The following FOXP2 variants were observed in gnomAD, a reference collection of about 807,000 sequenced individuals.
FOXP2 encodes the protein forkhead box protein P2.
In FOXP2, 12 loss-of-function variants were observed where a neutral mutation model predicts 115.8. That is an observed-to-expected ratio of 0.10 (90% CI 0.07 to 0.17). The LOEUF is 0.17. Among genes scored for constraint, FOXP2 ranks in the 10% least tolerant of loss-of-function variants. The pLI is 1.00. For missense variants in FOXP2, 629 were observed against 843.5 expected (o/e 0.75, Z 3.15); for synonymous variants, 328 against 297.7 (o/e 1.10, Z -1.05).
chr7:114,574,742 T>G (rs547610078), intron 3 of FOXP2, among the ~76,000 whole-genome samples: 3 of 151,926 alleles, frequency 2.0e-5, no homozygotes, highest in Non-Finnish European at 2.9e-5. Context: ...TAGTTCTAAC[T>G]GCGAAGGCAA....
chr7:114,376,242 T>G (rs1220232201), intron 2 of FOXP2, among the ~76,000 whole-genome samples: 3 of 152,222 alleles, frequency 2.0e-5, no homozygotes, highest in African/African-American at 7.2e-5. Flanking sequence ...TAATTCTGGA[T>G]AGCAATAAGG....
chr7:114,597,937 C>T (rs532538779), intron 3 of FOXP2, among the ~76,000 whole-genome samples: 7 of 152,144 alleles, frequency 4.6e-5, no homozygotes, highest in Non-Finnish European at 8.8e-5. Flanking sequence ...AAGTTTCTAT[C>T]TCAGATACAA....
chr7:114,381,619 T>G (rs1236480524), intron 2 of FOXP2, among the ~76,000 whole-genome samples: 2 of 152,176 alleles, frequency 1.3e-5, no homozygotes. Context: ...ACCACTCTGC[T>G]TCCTCTGGTA....
intron 13 of FOXP2, among the ~76,000 whole-genome samples, chr7:114,661,093 A>G (rs1032024754): frequency 6.7e-6 from 1 of 149,828 alleles, no homozygotes; most frequent in Non-Finnish European, 1.5e-5. Context: ...AAAGCAAGCT[A>G]GAAGCAGCTT....
At chr7:114,662,334 G>A in intron 14 of FOXP2, 148 bp downstream of exon 14, 1 of 1,106,722 alleles carries the variant, frequency 9.0e-7, no homozygotes, top group African/African-American at 1.6e-5. Flanking sequence ...TCTAGGTGTA[G>A]GTGGCATAAA....
At chr7:114,477,226 A>G (rs1027428832) in intron 2 of FOXP2, among the ~76,000 whole-genome samples, 2 of 152,044 alleles carry the variant, frequency 1.3e-5, no homozygotes, top group African/African-American at 4.8e-5. Context: ...TTGTTACGCT[A>G]TTCACAAAAG....
At chr7:114,136,425 A>C (rs1022939397) in intron 1 of FOXP2, among the ~76,000 whole-genome samples, 4 of 152,026 alleles carry the variant, frequency 2.6e-5, no homozygotes, top group African/African-American at 4.8e-5. Flanking sequence ...TTGGCAGGGT[A>C]TGAAATAGGT....
At chr7:114,317,589 A>G (rs1797304242) in intron 2 of FOXP2, among the ~76,000 whole-genome samples, 1 of 152,134 alleles carries the variant, frequency 6.6e-6, no homozygotes, top group African/African-American at 2.4e-5. Context: ...CATAGCTTCT[A>G]GTTAGTCTAA....
At position 114,151,108 on chromosome 7, in the gene FOXP2, G is replaced by A. The variant is rs181982865; in HGVS notation, c.-246-11836G>A. Among the ~76,000 whole-genome samples, 1,052 of 151,938 alleles carry A rather than the reference G, an allele frequency of 6.9e-3. 12 individuals are homozygous for A. Among genetic ancestry groups the A allele is most frequent in the African/African-American group, 0.024 (1,003 of 41,474 alleles). On this transcript the variant is annotated intron_variant, in intron 1 of 19. Transcript: ENST00000635638. ...GGTATTTTAATTCTTATTTGCTAAA[G>A]TAACTAAACAAAAAGGGAAACGGGA...
chr7:114,165,234 T>G (rs1041908317), intron 1 of FOXP2, among the ~76,000 whole-genome samples: 2 of 152,156 alleles, frequency 1.3e-5, no homozygotes, highest in African/African-American at 4.8e-5. Flanking sequence ...GCAACGAGGT[T>G]CCTTCTCACC....
chr7:114,323,520 T>C (rs1797480100), intron 2 of FOXP2, among the ~76,000 whole-genome samples: 1 of 152,014 alleles, frequency 6.6e-6, no homozygotes, highest in Admixed American at 6.6e-5. Context: ...GACTTCTCAC[T>C]AGGAAAAGGT....
At chr7:114,270,649 TTTAA>T (rs766510447) in intron 1 of FOXP2, among the ~76,000 whole-genome samples, 1 of 152,190 alleles carries the variant, frequency 6.6e-6, no homozygotes, top group Non-Finnish European at 1.5e-5. Flanking sequence ...TGGCCCAGTT[TTTAA>T]TTGAGTTTTT....
intron 3 of FOXP2, among the ~76,000 whole-genome samples, chr7:114,618,940 A>G (rs746437439): frequency 6.6e-6 from 1 of 152,174 alleles, no homozygotes; most frequent in Non-Finnish European, 1.5e-5. Context: ...ATGTATTTAC[A>G]TGCTTTCTCA....
intron 16 of FOXP2, among the ~76,000 whole-genome samples, chr7:114,682,389 A>C (rs1412221120): frequency 6.6e-6 from 1 of 152,190 alleles, no homozygotes; most frequent in African/African-American, 2.4e-5. Context: ...TATAATTAAA[A>C]ACCTGTAGAT....
rs559632045 is a variant in FOXP2, at chr7:114,474,928, T to C, written c.168+48249T>C. ...GTTTTATGGGCATAGAGATAAGTCA[T>C]TGGTGAGGTGATTTGAGTTCTTATT... On this transcript the variant is annotated intron_variant, in intron 2 of 16. Coordinates refer to ENST00000350908, the MANE Select transcript of FOXP2 (RefSeq NM_014491.4). 9.9e-5 allele frequency among the ~76,000 whole-genome samples: 15 copies of C among 152,172 alleles called. No homozygotes were observed. In the South Asian group the frequency reaches 1.2e-3, roughly 13 times the overall value.
At chr7:114,245,755 G>T (rs1795266359) in intron 1 of FOXP2, among the ~76,000 whole-genome samples, 1 of 152,018 alleles carries the variant, frequency 6.6e-6, no homozygotes, top group Non-Finnish European at 1.5e-5. Flanking sequence ...TTGTACATGT[G>T]TTTGTGAATG....
Position 114,578,055 on chromosome 7 carries a change from C to T in FOXP2, c.258+43349C>T, listed in dbSNP as rs1430401282. 8.6e-5 allele frequency among the ~76,000 whole-genome samples: 13 copies of T among 151,874 alleles called. No homozygotes were observed. In the East Asian group the frequency reaches 2.1e-3, roughly 25 times the overall value. On this transcript the variant is annotated intron_variant, in intron 3 of 16. Transcript: ENST00000350908. ...ATTTCTAGTGTATCATATACATATA[C>T]CTGAAGAACATTTTCTGGTGCATAG... is the stretch of plus-strand genomic sequence containing the variant.
chr7:114,156,475 C>G (rs910512759), intron 1 of FOXP2, among the ~76,000 whole-genome samples: 3 of 152,142 alleles, frequency 2.0e-5, no homozygotes, highest in African/African-American at 7.2e-5. Context: ...CAGATAATAA[C>G]TCTTTCAACC....
chr7:114,087,476 G>A (rs1799443448), upstream of FOXP2, among the ~76,000 whole-genome samples: 1 of 152,184 alleles, frequency 6.6e-6, no homozygotes, highest in East Asian at 1.9e-4. Flanking sequence ...CTTGGTGAGG[G>A]GACGTGGGAG....
Sources: allele counts gnomAD v4.1 joint callset (sites outside exome capture counted in the v4.1 genomes callset), GRCh38; gene constraint gnomAD v4.1.1; transcripts MANE v1.5; gene names NCBI Gene and HGNC (gene_info 2026-07-23, HGNC 2026-07-21).